Variants in RASSF3 observed in about 807,000 individuals in gnomAD.
RASSF3 encodes the protein Ras association domain family member 3.
Under a neutral mutation model 19.9 loss-of-function variants are expected in RASSF3, and 19 were observed. The ratio of observed to expected loss-of-function variants is 0.96; its 90% CI spans 0.67 to 1.40. RASSF3 has a LOEUF of 1.40. Among genes scored for constraint, RASSF3 ranks in the 40% most tolerant of loss-of-function variants. RASSF3 has a pLI of 0.00. For synonymous variants in RASSF3, 110 were observed against 104.2 expected (o/e 1.06, Z -0.34); for missense variants, 306 against 289.8 (o/e 1.06, Z -0.41).
chr12:64,557,329 C>T (rs1869272464), intron 2 of RASSF3, among the ~76,000 whole-genome samples: 1 of 152,052 alleles, frequency 6.6e-6, no homozygotes, highest in African/African-American at 2.4e-5. Context: ...GGGAAGTGCC[C>T]AACTGGGTCA....
intron 1 of RASSF3, among the ~76,000 whole-genome samples, chr12:64,673,624 G>A (rs1872777699): frequency 6.6e-6 from 1 of 152,098 alleles, no homozygotes; most frequent in Non-Finnish European, 1.5e-5. Flanking sequence ...CCATGCAGCC[G>A]CATTCCTTTT....
rs1200500979 is a variant in RASSF3, at chr12:64,582,043, G to A, written c.294+40338G>A. ...CCCACCACACTCGGCCAATTTTTTA[G>A]AGAGATGCGGTTGCCCAGGTGGGGG... On this transcript the variant is annotated intron_variant, in intron 2 of 5. Coordinates refer to the RASSF3 transcript ENST00000637125. Among the ~76,000 whole-genome samples, 6 of 151,980 alleles carry A rather than the reference G, an allele frequency of 3.9e-5. No homozygotes were observed. The East Asian group carries it at 1.2e-3, about 29-fold the overall frequency.
chr12:64,582,980 A>G (rs754044055), intron 2 of RASSF3, among the ~76,000 whole-genome samples: 2 of 152,180 alleles, frequency 1.3e-5, no homozygotes, highest in African/African-American at 2.4e-5. Context: ...ATCTTTGTGC[A>G]TAGCAGCATA....
At chr12:64,601,412 A>T (rs534389836) in intron 2 of RASSF3, among the ~76,000 whole-genome samples, 2 of 152,366 alleles carry the variant, frequency 1.3e-5, no homozygotes, top group South Asian at 4.1e-4. Flanking sequence ...TTAAGTTTTC[A>T]GAAGCTTTAG....
At chr12:64,542,724 T>C (rs1041528518), downstream of RASSF3, among the ~76,000 whole-genome samples, 1 of 152,174 alleles carries the variant, frequency 6.6e-6, no homozygotes, top group South Asian at 2.1e-4. Context: ...ACCTCATCTC[T>C]ACAAAAACTA....
At chr12:64,620,373 T>C (rs1176853257) in intron 1 of RASSF3, among the ~76,000 whole-genome samples, 1 of 152,208 alleles carries the variant, frequency 6.6e-6, no homozygotes, top group Non-Finnish European at 1.5e-5. Flanking sequence ...CTTCCACCTT[T>C]TGGCTCATGT....
rs66975333 is a variant in RASSF3 at position 64,520,555 on chromosome 12, CATATATAT to C, written c.169+13259_169+13266del. 2.7e-3 allele frequency among the ~76,000 whole-genome samples: 235 copies of C among 86,368 alleles called. 3 individuals are homozygous for C. Among genetic ancestry groups the C allele is most frequent in the Middle Eastern group, 7.6e-3 (1 of 132 alleles). The allele number at this position is 86,368 out of a possible 152,430, so 56.7% of individuals were successfully genotyped here. ...ACACACACAGATACACACATACACACATATATATATATATATATATATATATATATATA... is the reference window on the plus strand; with the variant it reads ...ACACACACAGATACACACATACACACATATATATATATATATATATATATA... On this transcript the variant is annotated intron_variant, in intron 1 of 5. Transcript: ENST00000637125.
upstream of RASSF3, among the ~76,000 whole-genome samples, chr12:64,610,073 C>A (rs1418140895): frequency 6.6e-6 from 1 of 152,042 alleles, no homozygotes; most frequent in Admixed American, 6.5e-5. Flanking sequence ...AACCCCCACC[C>A]ACCCCTACAG....
At chr12:64,611,067 TC>T (rs1870340958) in intron 1 of RASSF3, among the ~76,000 whole-genome samples, 1 of 152,058 alleles carries the variant, frequency 6.6e-6, no homozygotes, top group Non-Finnish European at 1.5e-5. Context: ...CCCGGGCCAC[TC>T]CCCCAGGTTT....
intron 2 of RASSF3, among the ~76,000 whole-genome samples, chr12:64,584,716 T>C (rs1428036109): frequency 6.7e-6 from 1 of 149,744 alleles, no homozygotes; most frequent in Non-Finnish European, 1.5e-5. Flanking sequence ...AGGTGAGGAG[T>C]GGTTAGGGAG....
intron 1 of RASSF3, among the ~76,000 whole-genome samples, chr12:64,676,853 C>A (rs1295834291): frequency 6.6e-6 from 1 of 151,790 alleles, no homozygotes; most frequent in Non-Finnish European, 1.5e-5. Context: ...ACTGTAACCT[C>A]CATCTCCTGG....
intron 1 of RASSF3, among the ~76,000 whole-genome samples, chr12:64,675,840 A>G (rs1375494683): frequency 6.6e-6 from 1 of 152,138 alleles, no homozygotes; most frequent in Non-Finnish European, 1.5e-5. Context: ...CCCGCTTACA[A>G]GCTGAACTCA....
chr12:64,593,207 C>T (rs1479526473), intron 2 of RASSF3, among the ~76,000 whole-genome samples: 2 of 152,106 alleles, frequency 1.3e-5, no homozygotes, highest in Non-Finnish European at 2.9e-5. Context: ...TTATTGCATT[C>T]TATTTTGCCA....
chr12:64,632,879 T>C (rs1871212207), intron 1 of RASSF3, among the ~76,000 whole-genome samples: 1 of 152,188 alleles, frequency 6.6e-6, no homozygotes, highest in African/African-American at 2.4e-5. Context: ...GATGTGGATA[T>C]GGACTGGAAG....
chr12:64,540,220 T>TA (rs1868913152), intron 1 of RASSF3, among the ~76,000 whole-genome samples: 1 of 152,230 alleles, frequency 6.6e-6, no homozygotes, highest in Non-Finnish European at 1.5e-5. Flanking sequence ...GACGGCTCCT[T>TA]AAAAATTTCA....
rs369751873 is a variant in RASSF3 at position 64,638,374 on chromosome 12, A to T, written c.111+27631A>T. On this transcript the variant is annotated intron_variant, in intron 1 of 4. Transcript: ENST00000542104. The stretch of plus-strand genomic sequence containing the variant: ...GGCGGGCGGATCACAAGGTCAGGAG[A>T]TCGAGACCATCCTGGCTAATACGGT... Among the ~76,000 whole-genome samples the T allele has an allele frequency of 7.2e-5, 11 of 152,056 alleles. No individual in the cohort carries two copies. In the South Asian group the frequency reaches 2.3e-3, roughly 32 times the overall value.
intron 1 of RASSF3, among the ~76,000 whole-genome samples, chr12:64,619,707 C>A (rs1870676993): frequency 6.6e-6 from 1 of 151,862 alleles, no homozygotes; most frequent in Admixed American, 6.6e-5. Flanking sequence ...GGTTGCCAGG[C>A]GTGGTGGCTC....
chr12:64,583,613 C>T (rs1167101602), intron 2 of RASSF3, among the ~76,000 whole-genome samples: 1 of 152,164 alleles, frequency 6.6e-6, no homozygotes, highest in Non-Finnish European at 1.5e-5. Context: ...CAGAGTGAGA[C>T]TCCGTCTCAA....
intron 2 of RASSF3, among the ~76,000 whole-genome samples, chr12:64,596,408 C>T (rs1869999784): frequency 6.6e-6 from 1 of 152,144 alleles, no homozygotes; most frequent in Non-Finnish European, 1.5e-5. Context: ...CCCGAAATTG[C>T]AAAATTTGTG....
Sources: allele counts gnomAD v4.1 joint callset (sites outside exome capture counted in the v4.1 genomes callset), GRCh38; gene constraint gnomAD v4.1.1; transcripts MANE v1.5; gene names NCBI Gene and HGNC (gene_info 2026-07-23, HGNC 2026-07-21).